Variants in SLC24A2 observed in about 807,000 individuals in gnomAD.
The protein encoded by SLC24A2 is solute carrier family 24 member 2.
SLC24A2 carries 36 observed loss-of-function variants against 62.0 expected under a neutral mutation model. That is an observed-to-expected ratio of 0.58 (90% CI 0.44 to 0.77). The LOEUF (loss-of-function observed/expected upper bound fraction) is 0.77, where lower values mean the gene tolerates loss of function less well. Ranked by LOEUF, SLC24A2 falls within the 30% of genes least tolerant of loss-of-function variation. The pLI is 0.00. For synonymous variants in SLC24A2, 358 were observed against 294.0 expected (o/e 1.22, Z -2.23); for missense variants, 846 against 817.9 (o/e 1.03, Z -0.42).
chr9:19,564,915 A>G (rs998820605), intron 7 of SLC24A2, among the ~76,000 whole-genome samples: 1 of 152,040 alleles, frequency 6.6e-6, no homozygotes, highest in Non-Finnish European at 1.5e-5. Flanking sequence ...CCAAGTGCAA[A>G]TCACCCATCT....
the SLC24A2 span, among the ~76,000 whole-genome samples, chr9:19,899,586 A>G: frequency 2.6e-5 from 4 of 152,240 alleles, no homozygotes; most frequent in Non-Finnish European, 4.4e-5. Flanking sequence ...AGATATAACA[A>G]TGTCACAAAG....
the SLC24A2 span, among the ~76,000 whole-genome samples, chr9:20,096,956 C>T: frequency 6.6e-6 from 1 of 152,216 alleles, no homozygotes. Context: ...GCACTGAATT[C>T]TAATCCAATT....
At chr9:20,173,093 C>T in the SLC24A2 span, among the ~76,000 whole-genome samples, 4 of 152,128 alleles carry the variant, frequency 2.6e-5, no homozygotes, top group African/African-American at 9.6e-5. Context: ...ACATGATCAT[C>T]TCAACAGATG....
intron 2 of SLC24A2, among the ~76,000 whole-genome samples, chr9:19,665,612 G>A (rs1202880509): frequency 6.6e-6 from 1 of 152,036 alleles, no homozygotes; most frequent in Non-Finnish European, 1.5e-5. Flanking sequence ...TAACCCCACA[G>A]GTTTCAGTTT....
At chr9:19,680,355 A>G (rs1386769012) in intron 2 of SLC24A2, among the ~76,000 whole-genome samples, 1 of 152,152 alleles carries the variant, frequency 6.6e-6, no homozygotes, top group Non-Finnish European at 1.5e-5. Context: ...GGGCACACAG[A>G]GAGAAGAGTG....
chr9:19,754,849 G>C (rs1822091688), intron 2 of SLC24A2, among the ~76,000 whole-genome samples: 2 of 152,022 alleles, frequency 1.3e-5, no homozygotes, highest in Admixed American at 1.3e-4. Flanking sequence ...TCTTCAGGCA[G>C]ACCAGTTTTA....
At chr9:20,085,364 G>A in the SLC24A2 span, among the ~76,000 whole-genome samples, 2 of 152,158 alleles carry the variant, frequency 1.3e-5, no homozygotes, top group East Asian at 1.9e-4. Context: ...ATTTCATTAT[G>A]CAAACTCTTA....
intron 2 of SLC24A2, among the ~76,000 whole-genome samples, chr9:19,713,984 T>A (rs1057250357): frequency 2.0e-5 from 3 of 152,232 alleles, no homozygotes; most frequent in Admixed American, 2.0e-4. Flanking sequence ...TCCTACAACC[T>A]GGATCTAGCC....
chr9:20,103,696 T>A, the SLC24A2 span, among the ~76,000 whole-genome samples: 1 of 152,152 alleles, frequency 6.6e-6, no homozygotes, highest in Non-Finnish European at 1.5e-5. Flanking sequence ...AAAACCCACC[T>A]GTACATCACC....
intron 2 of SLC24A2, among the ~76,000 whole-genome samples, chr9:19,712,193 T>C (rs1820734634): frequency 6.6e-6 from 1 of 152,180 alleles, no homozygotes; most frequent in Non-Finnish European, 1.5e-5. Context: ...GGATTCCATA[T>C]GGCTGTTAGG....
chr9:20,276,864 G>C, the SLC24A2 span, among the ~76,000 whole-genome samples: 46 of 152,340 alleles, frequency 3.0e-4, no homozygotes, highest in East Asian at 3.9e-3. Context: ...TGAGCTGTAT[G>C]TTGGCCCCTT....
the SLC24A2 span, among the ~76,000 whole-genome samples, chr9:20,249,967 A>G: frequency 6.6e-6 from 1 of 152,186 alleles, no homozygotes; most frequent in African/African-American, 2.4e-5. Context: ...AGTAACTCAG[A>G]ATCTAAAACA....
At chr9:19,584,602 T>G (rs142884804) in intron 5 of SLC24A2, among the ~76,000 whole-genome samples, 1,838 of 152,314 alleles carry the variant, frequency 0.012, 24 homozygotes, top group Non-Finnish European at 0.021. Flanking sequence ...GAGGCAGGCT[T>G]AATTTTTATT....
the SLC24A2 span, among the ~76,000 whole-genome samples, chr9:20,184,405 C>T: frequency 7.2e-5 from 11 of 151,994 alleles, 1 homozygote; most frequent in African/African-American, 2.4e-4. Flanking sequence ...CAAAAATTAG[C>T]CGGTATGCTG....
chr9:19,605,207 C>T (rs1254555173), intron 4 of SLC24A2, among the ~76,000 whole-genome samples: 1 of 152,112 alleles, frequency 6.6e-6, no homozygotes, highest in Non-Finnish European at 1.5e-5. Context: ...CAAAGGGTGG[C>T]CTAAGAATGT....
At chr9:19,727,493 C>G (rs77075578) in intron 2 of SLC24A2, among the ~76,000 whole-genome samples, 3,176 of 152,200 alleles carry the variant, frequency 0.021, 122 homozygotes, top group African/African-American at 0.072. Context: ...TCTTCCCTCC[C>G]CTACAAGAAG....
At chr9:19,683,766 C>T (rs1819792388) in intron 2 of SLC24A2, among the ~76,000 whole-genome samples, 1 of 152,014 alleles carries the variant, frequency 6.6e-6, no homozygotes, top group Non-Finnish European at 1.5e-5. Flanking sequence ...CTTTCTTGTG[C>T]TGAGATGGGA....
chr9:19,878,664 T>G, the SLC24A2 span, among the ~76,000 whole-genome samples: 1 of 151,884 alleles, frequency 6.6e-6, no homozygotes, highest in South Asian at 2.1e-4. Context: ...CCTCCTCCTA[T>G]CTCTCTCTTT....
intron 2 of SLC24A2, among the ~76,000 whole-genome samples, chr9:19,716,212 C>T (rs1344443968): frequency 3.3e-5 from 5 of 152,142 alleles, no homozygotes; most frequent in South Asian, 4.1e-4. Flanking sequence ...TCGCAAGATA[C>T]CATGTGCAAC....
Sources: gnomAD v4.1 joint callset for allele counts (sites outside exome capture counted in the v4.1 genomes callset) on GRCh38, gnomAD v4.1.1 for gene constraint, MANE v1.5 for transcripts, NCBI Gene and HGNC (gene_info 2026-07-23, HGNC 2026-07-21) for gene names.